PTK7: variants seen among roughly 807,000 people sequenced by gnomAD.
The protein encoded by PTK7 is protein tyrosine kinase 7 (inactive).
A neutral mutation model predicts 116.6 loss-of-function variants in PTK7; 39 were observed. The observed-to-expected ratio is 0.33, with a 90% CI of 0.26 to 0.44. PTK7 has a LOEUF of 0.44. Ranked by LOEUF, PTK7 falls within the 20% of genes least tolerant of loss-of-function variation. The probability of loss-of-function intolerance (pLI) is 1.00; values close to 1 mark genes in which losing one functional copy is unlikely to be tolerated. For synonymous variants in PTK7, 546 were observed against 563.6 expected (o/e 0.97, Z 0.44); for missense variants, 1,169 against 1,425.6 (o/e 0.82, Z 2.90).
In PTK7 at chr6:43,141,687, G is replaced by T. The variant is rs1487088801; in HGVS notation, c.1638G>T (p.Glu546Asp). The stretch of plus-strand genomic sequence containing the variant: ...CTGCAGATGGGAGCAGCCTCCCAGA[G>T]TGGGTGACAGACAACGCTGGGACCC... ...WERADGSSLPEWVTDNAGTLH... is the reference protein window; with the variant it reads ...WERADGSSLPDWVTDNAGTLH... Residue 546 changes from glutamate to aspartate, a missense_variant, in exon 11 of 20, where the codon GAG becomes GAT. Physicochemically the swap from Glu to Asp is conservative, Grantham distance 45. Transcript: ENST00000230419. The surrounding 1 kb of genome is among the most constrained non-coding windows in gnomAD (Gnocchi z 4.9). 1 of 1,614,140 alleles carries T rather than the reference G, an allele frequency of 6.2e-7. No individual in the cohort carries two copies. Among genetic ancestry groups the T allele is most frequent in the East Asian group, 2.2e-5 (1 of 44,876 alleles).
Position 43,159,918 on chromosome 6 carries a change from C to T in PTK7, c.3004C>T (p.His1002Tyr). The T allele has an allele frequency of 6.2e-7, 1 of 1,614,212 alleles. No homozygotes were observed. Among genetic ancestry groups the T allele is most frequent in the South Asian group, 1.1e-5 (1 of 91,086 alleles). The change falls in exon 19 of 20, where the codon CAT becomes TAT. Residue 1002 changes from histidine to tyrosine, a missense_variant. His to Tyr is a moderately conservative substitution (Grantham distance 83, BLOSUM62 2). Around this residue, in one of 3 missense-constraint regions of PTK7, gnomAD observed 678 missense variants for 853.8 expected, o/e 0.79. Transcript: ENST00000230419. ...FGVLMWEVFT[H>Y]GEMPHGGQAD... ...TGTGCTGATGTGGGAAGTGTTTACACATGGAGAGATGCCCCATGGTGGGCA... is the reference window on the plus strand; with the variant it reads ...TGTGCTGATGTGGGAAGTGTTTACATATGGAGAGATGCCCCATGGTGGGCA...
chr6:43,129,567 T>C lies in PTK7; in HGVS notation c.368-160T>C. The stretch of plus-strand genomic sequence containing the variant: ...TGCCAGGGACCAGGCAGGCACTTAG[T>C]ATCTGGTAACTGTAGCCCCAGCCTC... On this transcript the variant is annotated intron_variant, in intron 2 of 19. Coordinates refer to ENST00000230419, the MANE Select transcript of PTK7 (RefSeq NM_002821.5). This position sits in a 1 kb window ranked among gnomAD's most constrained non-coding sequence, Gnocchi z 4.5. The C allele has an allele frequency of 2.9e-6, 2 of 695,750 alleles. No individual in the cohort carries two copies. Among genetic ancestry groups the C allele is most frequent in the East Asian group, 2.7e-5 (1 of 36,842 alleles). 43.1% of individuals were successfully genotyped at this position (695,750 alleles called of 1,614,324 possible). A position where few individuals can be genotyped will look rare whatever the true frequency, so the allele number is the denominator to read the frequency against.
chr6:43,150,623 A>G (rs1771004528), intron 17 of PTK7, among the ~76,000 whole-genome samples: 2 of 152,020 alleles, frequency 1.3e-5, no homozygotes, highest in African/African-American at 4.8e-5. Flanking sequence ...TGCCGCTTAC[A>G]GAGAATCAAG....
chr6:43,135,218 AGT>A (rs1769955228), intron 7 of PTK7, among the ~76,000 whole-genome samples: 1 of 152,096 alleles, frequency 6.6e-6, no homozygotes, highest in Admixed American at 6.6e-5. Context: ...GGCATTTGAG[AGT>A]GTGTGATGCA....
intron 1 of PTK7, among the ~76,000 whole-genome samples, chr6:43,119,409 C>G (rs1295375676): frequency 6.6e-6 from 1 of 152,202 alleles, no homozygotes; most frequent in Non-Finnish European, 1.5e-5. Flanking sequence ...TAGTTCACCC[C>G]CTGCTTCTGC....
rs140877457 is a variant in PTK7 at position 43,132,590 on chromosome 6, G to A, written c.1131G>A (p.Val377=). 34 of 1,612,720 alleles carry A rather than the reference G, an allele frequency of 2.1e-5. No homozygotes were observed. The African/African-American group carries it at 3.2e-4, about 15-fold the overall frequency. The stretch of plus-strand genomic sequence containing the variant: ...TCTACCAGAAGGGCCACGAGCTGGT[G>A]TTGGCCAATATTGCTGAAAGTGATG... ...GRVYQKGHEL[V]LANIAESDAG... Residue 377 remains valine, a synonymous_variant, in exon 7 of 20, where the codon GTG becomes GTA. Coordinates refer to ENST00000230419, the MANE Select transcript of PTK7 (RefSeq NM_002821.5).
intron 13 of PTK7, chr6:43,142,704 T>C (rs189156638): frequency 7.7e-6 from 2 of 260,468 alleles, no homozygotes; most frequent in East Asian, 1.9e-4. Flanking sequence ...CTTAACTCTC[T>C]GCCCCTGGGA....
chr6:43,129,409 T>A lies in PTK7; in HGVS notation c.367+145T>A, dbSNP rs755214453. 12 of 1,127,280 alleles carry A rather than the reference T, an allele frequency of 1.1e-5. No homozygotes were observed. The highest frequency in any genetic ancestry group is 1.2e-5 in the Non-Finnish European group (10 of 802,810). The allele number at this position is 1,127,280 out of a possible 1,614,324, so 69.8% of individuals were successfully genotyped here. A position where few individuals can be genotyped will look rare whatever the true frequency, so the allele number is the denominator to read the frequency against. ...ATTTATCATCAGCTTTTTTTGCTCATGTGGATAAGAGGAAATTAAAAGTTA... is the reference window on the plus strand; with the variant it reads ...ATTTATCATCAGCTTTTTTTGCTCAAGTGGATAAGAGGAAATTAAAAGTTA... On this transcript the variant is annotated intron_variant, in intron 2 of 19. Transcript: ENST00000230419. This position sits in a 1 kb window ranked among gnomAD's most constrained non-coding sequence, Gnocchi z 4.5.
Position 43,143,336 on chromosome 6 carries a change from TG to T in PTK7, c.2048-77del, listed in dbSNP as rs1770528847. ...GCCATCTGTTAAGTTGCCCTGTTGA[TG>T]GGGTTGGGAGGAGTTAGTAGAGAAG... On this transcript the variant is annotated intron_variant, in intron 13 of 19. Transcript: ENST00000230419. This position sits in a 1 kb window ranked among gnomAD's most constrained non-coding sequence, Gnocchi z 4.2. 21 of 1,404,272 alleles carry T rather than the reference TG, an allele frequency of 1.5e-5. No homozygotes were observed. The highest frequency in any genetic ancestry group is 2.1e-5 in the Non-Finnish European group (21 of 1,018,944). The allele number at this position is 1,404,272 out of a possible 1,614,324, so 87.0% of individuals were successfully genotyped here.
At chr6:43,085,122 G>T (rs983048384) in intron 1 of PTK7, among the ~76,000 whole-genome samples, 3 of 152,150 alleles carry the variant, frequency 2.0e-5, no homozygotes, top group Admixed American at 2.0e-4. Context: ...AAGTGATGCT[G>T]TTGCCTGCCT....
At chr6:43,147,493 C>T (rs1381476079) in intron 17 of PTK7, among the ~76,000 whole-genome samples, 1 of 152,184 alleles carries the variant, frequency 6.6e-6, no homozygotes, top group Non-Finnish European at 1.5e-5. Context: ...GAGTCTGCTT[C>T]CAAGCTGGCA....
At position 43,139,349 on chromosome 6, in the gene PTK7, A is replaced by C; in HGVS notation, c.1499-57A>C. Reference sequence around the variant, plus strand: ...AGGGGAGGGAGCAGCAGGCCTGGCCACGGCCTCTCCAGCGGCCCCAATTCC... The same window carrying C: ...AGGGGAGGGAGCAGCAGGCCTGGCCCCGGCCTCTCCAGCGGCCCCAATTCC... On this transcript the variant is annotated intron_variant, in intron 9 of 19. Transcript: ENST00000230419. The surrounding 1 kb of genome is among the most constrained non-coding windows in gnomAD (Gnocchi z 4.6). 1 of 1,614,008 alleles carries C rather than the reference A, an allele frequency of 6.2e-7. No individual in the cohort carries two copies. The highest frequency in any genetic ancestry group is 1.1e-5 in the South Asian group (1 of 91,066).
chr6:43,076,934 G>T lies in PTK7; in HGVS notation c.79+367G>T. 2 of 1,516,086 alleles carry T rather than the reference G, an allele frequency of 1.3e-6. No individual in the cohort carries two copies. The highest frequency in any genetic ancestry group is 2.5e-5 in the East Asian group (1 of 39,918). The allele number at this position is 1,516,086 out of a possible 1,614,324, so 93.9% of individuals were successfully genotyped here. A position where few individuals can be genotyped will look rare whatever the true frequency, so the allele number is the denominator to read the frequency against. ...AAAGACCATCCGCACCCACCGTGGG[G>T]AGCGCGATGGAGAAAAAGGAATTCC... On this transcript the variant is annotated intron_variant, in intron 1 of 19. Coordinates refer to ENST00000230419, the MANE Select transcript of PTK7 (RefSeq NM_002821.5). This position sits in a 1 kb window ranked among gnomAD's most constrained non-coding sequence, Gnocchi z 5.7.
chr6:43,121,725 A>G (rs1768977135), intron 1 of PTK7, among the ~76,000 whole-genome samples: 1 of 152,222 alleles, frequency 6.6e-6, no homozygotes, highest in Non-Finnish European at 1.5e-5. Flanking sequence ...CTAAATCCTC[A>G]GAGTCACAAA....
intron 15 of PTK7, chr6:43,144,923 G>GT (rs1770639835): frequency 2.4e-6 from 1 of 413,542 alleles, no homozygotes; most frequent in African/African-American, 2.0e-5. Flanking sequence ...TCATAGTTAC[G>GT]TTTTTTCCTA....
At chr6:43,118,649 CTCTCTCTCTCTATATATATATATA>C (rs1275787097) in intron 1 of PTK7, among the ~76,000 whole-genome samples, 17 of 86,550 alleles carry the variant, frequency 2.0e-4, no homozygotes, top group African/African-American at 9.8e-4. Context: ...CTCTCTCTCT[CTCTCTCTCTCTATATATATATATA>C]TATATATATA....
At chr6:43,107,701 A>G (rs139726293) in intron 1 of PTK7, among the ~76,000 whole-genome samples, 1 of 152,318 alleles carries the variant, frequency 6.6e-6, no homozygotes, top group East Asian at 1.9e-4. Flanking sequence ...TAAGAATGAT[A>G]ATTAATATAA....
intron 1 of PTK7, among the ~76,000 whole-genome samples, chr6:43,122,795 T>C (rs772253091): frequency 6.6e-6 from 1 of 151,970 alleles, no homozygotes; most frequent in Admixed American, 6.6e-5. Context: ...TTAGTAGATA[T>C]GGGGTTTCAT....
intron 1 of PTK7, among the ~76,000 whole-genome samples, chr6:43,113,601 C>G (rs1188569863): frequency 6.6e-6 from 1 of 152,082 alleles, no homozygotes; most frequent in East Asian, 1.9e-4. Flanking sequence ...CGGGCCTGGC[C>G]CTTTCTGGAA....
Sources: gnomAD v4.1 joint callset for allele counts (sites outside exome capture counted in the v4.1 genomes callset) on GRCh38, gnomAD v4.1.1 for gene constraint, gnomAD v4.1.1 regional missense constraint, Gnocchi (gnomAD v3.1) non-coding constraint, MANE v1.5 for transcripts, NCBI Gene and HGNC (gene_info 2026-07-23, HGNC 2026-07-21) for gene names.